The following COQ4 variants were observed in gnomAD, a reference collection of about 807,000 sequenced individuals.
The protein encoded by COQ4 is coenzyme Q4.
In COQ4, 36 loss-of-function variants were observed where a neutral mutation model predicts 30.2. That is an observed-to-expected ratio of 1.19 (90% CI 0.91 to 1.57). The LOEUF is 1.57. Among genes scored for constraint, COQ4 ranks in the 40% most tolerant of loss-of-function variants. The pLI, the probability that COQ4 is intolerant of heterozygous loss-of-function variation, is 0.00. For synonymous variants in COQ4, 197 were observed against 161.0 expected, an observed-to-expected ratio of 1.22 and a Z score of -1.69; for missense variants, 369 against 371.9, an observed-to-expected ratio of 0.99 and a Z score of 0.07.
chr9:128,332,057 A>G (rs962388925), intron 4 of COQ4, 96 bp from the exon 5 acceptor site: 23 of 1,403,136 alleles, frequency 1.6e-5, no homozygotes, highest in Middle Eastern at 1.8e-4. Flanking sequence ...AGTAGGTATG[A>G]GTTAGGTGAG....
At chr9:128,329,858 T>C (rs1260582919) in intron 4 of COQ4, among the ~76,000 whole-genome samples, 1 of 152,052 alleles carries the variant, frequency 6.6e-6, no homozygotes, top group African/African-American at 2.4e-5. Flanking sequence ...GTTCCCACTG[T>C]GTATGGGTGC....
At chr9:128,323,620 C>G (rs1832256589) in intron 2 of COQ4, 1 of 346,430 alleles carries the variant, frequency 2.9e-6, no homozygotes. Context: ...CTTATGCCTC[C>G]TAGATTTTTG....
chr9:128,324,150 T>C (rs1300608465), intron 2 of COQ4, among the ~76,000 whole-genome samples: 1 of 152,076 alleles, frequency 6.6e-6, no homozygotes, highest in Non-Finnish European at 1.5e-5. Context: ...GGCTAATTGT[T>C]GTATTTTTAG....
At chr9:128,323,884 G>A (rs1441692860) in intron 2 of COQ4, among the ~76,000 whole-genome samples, 1 of 152,232 alleles carries the variant, frequency 6.6e-6, no homozygotes, top group East Asian at 1.9e-4. Context: ...GTTCGAGACT[G>A]CAGTAAGTTG....
At position 128,323,096 on chromosome 9, in the gene COQ4, C is replaced by T. The variant is rs1170598866; in HGVS notation, c.151C>T (p.Leu51=). The change falls in exon 2 of 7, where the codon CTG becomes TTG. Residue 51 remains leucine, a synonymous_variant. Transcript: ENST00000300452. ...CCCCACCTCCCCGCTGCAGAAAGGG[C>T]TGTTGGCCGCCGGCTCCGCGGCGAT... ...HLPTSPLQKG[L]LAAGSAAMAL... The T allele has an allele frequency of 5.6e-6, 9 of 1,611,472 alleles. No homozygotes were observed. The highest frequency in any genetic ancestry group is 6.8e-6 in the Non-Finnish European group (8 of 1,179,672).
chr9:128,330,206 T>TA (rs764453336), intron 4 of COQ4, among the ~76,000 whole-genome samples: 12,982 of 126,814 alleles, frequency 0.1, 887 homozygotes, highest in African/African-American at 0.2. Flanking sequence ...CTGTCTCTAC[T>TA]AAAAAAAAAA....
At chr9:128,328,670 TCA>T (rs979751842) in intron 4 of COQ4, among the ~76,000 whole-genome samples, 20 of 152,220 alleles carry the variant, frequency 1.3e-4, no homozygotes, top group African/African-American at 4.8e-4. Context: ...GTTCTGTTCC[TCA>T]CAGTCTCCTG....
chr9:128,325,901 G>A lies in COQ4; in HGVS notation c.402+20G>A. ...GTGAACGTGAGTTTTCAGCTCCTGT[G>A]TATCTGGCAGTCACCAGACAGGACA... is the stretch of plus-strand genomic sequence containing the variant. On this transcript the variant is annotated intron_variant, in intron 4 of 6. Coordinates refer to ENST00000300452, the MANE Select transcript of COQ4 (RefSeq NM_016035.5). 6.3e-7 allele frequency: 1 copy of A among 1,595,252 alleles called. No homozygotes were observed. Among genetic ancestry groups the A allele is most frequent in the Non-Finnish European group, 8.6e-7 (1 of 1,162,970 alleles).
In COQ4 at chr9:128,325,239, A is replaced by G; in HGVS notation, c.299A>G (p.Gln100Arg). ...RRDPEGAQIL[Q>R]ERPRISTSTL... Reference sequence around the variant, plus strand: ...GATCCAGAGGGTGCCCAGATCCTGCAGTAGGTCCCAGCTCTGCCTGGGGGT... The same window carrying G: ...GATCCAGAGGGTGCCCAGATCCTGCGGTAGGTCCCAGCTCTGCCTGGGGGT... The change falls in exon 3 of 7, where the codon CAG (glutamine) becomes CGG (arginine). Residue 100 changes from glutamine to arginine, a missense_variant and splice_region_variant. By Grantham distance (43) the Gln-to-Arg change is conservative. Coordinates refer to ENST00000300452, the MANE Select transcript of COQ4 (RefSeq NM_016035.5). The G allele has an allele frequency of 6.2e-7, 1 of 1,609,824 alleles. No individual in the cohort carries two copies. Among genetic ancestry groups the G allele is most frequent in the Non-Finnish European group, 8.5e-7 (1 of 1,176,506 alleles).
At chr9:128,325,943 A>T in intron 4 of COQ4, 62 bp downstream of exon 4, 1 of 1,410,622 alleles carries the variant, frequency 7.1e-7, no homozygotes, top group South Asian at 1.2e-5. Context: ...TAGCACAGGC[A>T]TGACACCCTG....
At chr9:128,330,230 G>A (rs547029816) in intron 4 of COQ4, among the ~76,000 whole-genome samples, 13 of 151,030 alleles carry the variant, frequency 8.6e-5, no homozygotes, top group East Asian at 2.0e-4. Flanking sequence ...AAAATTAGCC[G>A]GGTGTAGTGG....
chr9:128,323,328 C>T (rs775342359), intron 2 of COQ4, 181 bp downstream of exon 2: 22 of 638,192 alleles, frequency 3.4e-5, no homozygotes, highest in Non-Finnish European at 5.7e-5. Context: ...TCTGAATCTG[C>T]AGTGGAGGGA....
intron 4 of COQ4, among the ~76,000 whole-genome samples, chr9:128,329,156 G>C (rs992425899): frequency 3.3e-5 from 5 of 152,238 alleles, no homozygotes; most frequent in African/African-American, 7.2e-5. Context: ...AGCTTTACAA[G>C]CCTGGACAAA....
chr9:128,324,781 A>G (rs1399263616), intron 2 of COQ4, among the ~76,000 whole-genome samples: 1 of 143,348 alleles, frequency 7.0e-6, no homozygotes, highest in Non-Finnish European at 1.5e-5. Flanking sequence ...ATGTGAAGCA[A>G]TTTGTACTAG....
Position 128,332,193 on chromosome 9 carries a change from A to C in COQ4, c.443A>C (p.Asp148Ala). 1 of 1,604,710 alleles carries C rather than the reference A, an allele frequency of 6.2e-7. No homozygotes were observed. Among genetic ancestry groups the C allele is most frequent in the Non-Finnish European group, 8.5e-7 (1 of 1,175,824 alleles). The change falls in exon 5 of 7, where the codon GAT becomes GCT. Residue 148 changes from aspartate to alanine, a missense_variant. Transcript: ENST00000300452. The part of the protein sequence containing the change: ...PDTRAPTRFV[D>A]DEELAYVIQR... Reference sequence around the variant, plus strand: ...ACCCGAGCACCCACCCGCTTCGTGGATGATGAGGAGCTAGCGTATGTGATT... The same window carrying C: ...ACCCGAGCACCCACCCGCTTCGTGGCTGATGAGGAGCTAGCGTATGTGATT...
intron 1 of COQ4, 22 bp from the exon 2 acceptor site, chr9:128,322,994 C>A (rs1361217716): frequency 5.7e-5 from 92 of 1,609,954 alleles, no homozygotes; most frequent in Non-Finnish European, 7.5e-5. Context: ...CCTCTGACCT[C>A]GGCCTTTTTC....
chr9:128,326,222 C>A, intron 4 of COQ4: 1 of 494,666 alleles, frequency 2.0e-6, no homozygotes, highest in East Asian at 3.6e-5. Context: ...GTGAAGCAAA[C>A]TTGCTAATTC....
chr9:128,332,578 T>C, intron 5 of COQ4: 1 of 584,658 alleles, frequency 1.7e-6, no homozygotes, highest in Non-Finnish European at 3.0e-6. Flanking sequence ...GCAGGAACCA[T>C]CCTGGAGTGT....
rs1348290022 is a variant in COQ4, at chr9:128,322,872, T to G, written c.14T>G (p.Leu5Arg). The G allele has an allele frequency of 3.2e-6, 5 of 1,579,118 alleles. No individual in the cohort carries two copies. The highest frequency in any genetic ancestry group is 2.3e-5 in the South Asian group (2 of 88,498). MATLLRPVLRRLCGL... is the reference protein window; with the variant it reads MATLRRPVLRRLCGL... ...ACGCCCGCTGCCATGGCGACTCTGC[T>G]GCGCCCTGTCCTCCGTCGGCTCTGC... The change falls in exon 1 of 7, where the codon CTG (leucine) becomes CGG (arginine). Residue 5 changes from leucine to arginine, a missense_variant. Coordinates refer to ENST00000300452, the MANE Select transcript of COQ4 (RefSeq NM_016035.5).
Sources: allele counts gnomAD v4.1 joint callset (sites outside exome capture counted in the v4.1 genomes callset), GRCh38; gene constraint gnomAD v4.1.1; transcripts MANE v1.5; gene names NCBI Gene and HGNC (gene_info 2026-07-23, HGNC 2026-07-21).